The following ARFGAP3 variants were observed in gnomAD, a reference collection of about 807,000 sequenced individuals.
The protein encoded by ARFGAP3 is ARF GTPase activating protein 3.
Under a neutral mutation model 75.0 loss-of-function variants are expected in ARFGAP3, and 72 were observed. That is an observed-to-expected ratio of 0.96 (90% CI 0.79 to 1.17). The LOEUF is 1.17. Ranked by LOEUF, ARFGAP3 falls within the 50% of genes most tolerant of loss-of-function variation. The pLI is 0.00. For missense variants in ARFGAP3, 620 were observed against 626.6 expected (o/e 0.99, Z 0.11); for synonymous variants, 221 against 217.9 (o/e 1.01, Z -0.13).
chr22:42,828,681 CT>C (rs11379515), intron 6 of ARFGAP3, among the ~76,000 whole-genome samples: 1,844 of 116,220 alleles, frequency 0.016, 15 homozygotes, highest in African/African-American at 0.033. Context: ...AGCCCCCGGC[CT>C]TTTTTTTTTT....
At chr22:42,799,231 T>C (rs1464982256) in intron 14 of ARFGAP3, 71 bp from the exon 15 acceptor site, 2 of 1,584,142 alleles carry the variant, frequency 1.3e-6, no homozygotes, top group African/African-American at 1.3e-5. Context: ...GTACCCAGAG[T>C]GCTCAACGGC....
chr22:42,812,108 C>T (rs1454118246), intron 11 of ARFGAP3, among the ~76,000 whole-genome samples: 2 of 151,532 alleles, frequency 1.3e-5, no homozygotes, highest in Non-Finnish European at 2.9e-5. Flanking sequence ...GGCATGGTGG[C>T]ACGCCTATAG....
At chr22:42,817,365 A>G (rs1925624016) in intron 10 of ARFGAP3, 101 bp from the exon 11 acceptor site, 2 of 1,450,224 alleles carry the variant, frequency 1.4e-6, no homozygotes, top group African/African-American at 2.9e-5. Context: ...AGACAAATGT[A>G]TTCGAGGGGT....
At chr22:42,826,087 T>C (rs1926025709) in intron 7 of ARFGAP3, among the ~76,000 whole-genome samples, 1 of 152,222 alleles carries the variant, frequency 6.6e-6, no homozygotes, top group African/African-American at 2.4e-5. Flanking sequence ...GTCTAAAACA[T>C]GATGAAAATG....
chr22:42,826,226 A>C (rs920418393), intron 7 of ARFGAP3, among the ~76,000 whole-genome samples: 1 of 152,218 alleles, frequency 6.6e-6, no homozygotes, highest in African/African-American at 2.4e-5. Flanking sequence ...AAGTTCACCT[A>C]TAATAAAATC....
chr22:42,825,316 G>T lies in ARFGAP3; in HGVS notation c.626-1614C>A, dbSNP rs574876134. ...AGGCATTATGTATACAACTAAAGCAGCCAGTGACGTGCTTTTTCACCTTGG... is the reference window on the plus strand; with the variant it reads ...AGGCATTATGTATACAACTAAAGCATCCAGTGACGTGCTTTTTCACCTTGG... On this transcript the variant is annotated intron_variant, in intron 7 of 15. Coordinates refer to ENST00000263245, the MANE Select transcript of ARFGAP3 (RefSeq NM_014570.5). Among the ~76,000 whole-genome samples the T allele has an allele frequency of 1.5e-4, 23 of 152,292 alleles. No individual in the cohort carries two copies. The South Asian group carries it at 4.8e-3, about 32-fold the overall frequency.
At chr22:42,841,751 T>C (rs1200363822) in intron 2 of ARFGAP3, among the ~76,000 whole-genome samples, 2 of 152,274 alleles carry the variant, frequency 1.3e-5, no homozygotes, top group East Asian at 3.9e-4. Context: ...GTGGATATTT[T>C]AGAATGAGTA....
At chr22:42,852,957 C>T (rs1569178375) in intron 1 of ARFGAP3, among the ~76,000 whole-genome samples, 1 of 150,762 alleles carries the variant, frequency 6.6e-6, no homozygotes, top group East Asian at 2.0e-4. Flanking sequence ...AGAGACGGGG[C>T]TTCATCATGT....
At chr22:42,848,677 A>T (rs1927133562) in intron 1 of ARFGAP3, among the ~76,000 whole-genome samples, 2 of 152,104 alleles carry the variant, frequency 1.3e-5, no homozygotes. Flanking sequence ...CAGCCCTACC[A>T]TCCTTCCTGG....
At chr22:42,828,700 T>G (rs1926152806) in intron 6 of ARFGAP3, among the ~76,000 whole-genome samples, 1 of 150,802 alleles carries the variant, frequency 6.6e-6, no homozygotes, top group South Asian at 2.1e-4. Flanking sequence ...TTTTTTTTTT[T>G]TCTGAGACAG....
chr22:42,840,055 C>A (rs574102720), intron 3 of ARFGAP3, among the ~76,000 whole-genome samples: 1 of 152,110 alleles, frequency 6.6e-6, no homozygotes, highest in African/African-American at 2.4e-5. Context: ...CTCAGCCTCC[C>A]GAGTAGCTGG....
Position 42,797,448 on chromosome 22 carries a change from T to G in ARFGAP3, c.*140A>C. On this transcript the variant is annotated 3_prime_UTR_variant, in exon 16 of 16. Transcript: ENST00000263245. The stretch of plus-strand genomic sequence containing the variant: ...ACTCAGAATTTCTCAAAAGAAATAT[T>G]AAAAATCAGAAACATATACCATATG... The G allele has an allele frequency of 9.2e-7, 1 of 1,086,014 alleles. No homozygotes were observed. The highest frequency in any genetic ancestry group is 1.4e-6 in the Non-Finnish European group (1 of 735,486). The allele number at this position is 1,086,014 out of a possible 1,614,324, so 67.3% of individuals were successfully genotyped here.
intron 6 of ARFGAP3, among the ~76,000 whole-genome samples, 159 bp downstream of exon 6, chr22:42,831,390 T>G (rs1045905377): frequency 6.6e-6 from 1 of 150,738 alleles, no homozygotes; most frequent in Non-Finnish European, 1.5e-5. Context: ...CACGCTGGTC[T>G]CTGACTGCTG....
At chr22:42,837,437 T>C (rs1253272116) in intron 3 of ARFGAP3, among the ~76,000 whole-genome samples, 2 of 151,938 alleles carry the variant, frequency 1.3e-5, no homozygotes, top group Non-Finnish European at 2.9e-5. Flanking sequence ...CCTGGCAACA[T>C]GGCAAAACCC....
intron 4 of ARFGAP3, 123 bp from the exon 5 acceptor site, chr22:42,834,448 A>G: frequency 6.8e-7 from 1 of 1,480,034 alleles, no homozygotes; most frequent in Non-Finnish European, 9.0e-7. Context: ...TTCTTATAAA[A>G]TCAGTAACAT....
intron 3 of ARFGAP3, among the ~76,000 whole-genome samples, chr22:42,837,632 A>AC (rs1423150504): frequency 2.0e-5 from 3 of 149,446 alleles, no homozygotes; most frequent in African/African-American, 7.4e-5. Flanking sequence ...AAAAAAAAAA[A>AC]AAAAAAACCA....
chr22:42,822,873 A>C (rs1569150696), intron 8 of ARFGAP3, among the ~76,000 whole-genome samples: 1 of 151,992 alleles, frequency 6.6e-6, no homozygotes, highest in Non-Finnish European at 1.5e-5. Context: ...ACAGTGGCAC[A>C]ATCTCAGCTC....
intron 9 of ARFGAP3, 98 bp downstream of exon 9, chr22:42,822,171 TC>T (rs528085770): frequency 1.7e-4 from 154 of 900,476 alleles, no homozygotes; most frequent in Middle Eastern, 6.7e-4. Flanking sequence ...TACCCTCCCT[TC>T]CCCCCCCACA....
At position 42,817,796 on chromosome 22, in the gene ARFGAP3, T is replaced by C. The variant is rs865906392; in HGVS notation, c.874A>G (p.Met292Val). The change falls in exon 10 of 16, where the codon ATG becomes GTG. Residue 292 changes from methionine (M) to valine (V), a missense_variant. By Grantham distance (21) the Met-to-Val change is conservative. Transcript: ENST00000263245. ...ACATTTTTTTTGCCACTAATGTTCA[T>C]CTTTTCGTCTTTCTTCATTTGAATT... The part of the protein sequence containing the change: ...LEIQMKKDEK[M>V]NISGKKNVDS... 3.7e-6 allele frequency: 6 copies of C among 1,613,580 alleles called. No individual in the cohort carries two copies. In the African/African-American group the frequency reaches 5.3e-5, roughly 14 times the overall value.
Sources: gnomAD v4.1 joint callset for allele counts (sites outside exome capture counted in the v4.1 genomes callset) on GRCh38, gnomAD v4.1.1 for gene constraint, MANE v1.5 for transcripts, NCBI Gene and HGNC (gene_info 2026-07-23, HGNC 2026-07-21) for gene names.